ADGRV1: variants seen among roughly 807,000 people sequenced by gnomAD.
The protein encoded by ADGRV1 is adhesion G protein-coupled receptor V1.
ADGRV1 carries 359 observed loss-of-function variants against 596.2 expected under a neutral mutation model. That is an observed-to-expected ratio of 0.60 (90% CI 0.55 to 0.66). The LOEUF (loss-of-function observed/expected upper bound fraction) is 0.66. Ranked by LOEUF, ADGRV1 falls within the 30% of genes least tolerant of loss-of-function variation. ADGRV1 has a pLI of 0.00. For synonymous variants in ADGRV1, 2,681 were observed against 2,679.2 expected (o/e 1.00, Z -0.02); for missense variants, 7,274 against 7,575.6 (o/e 0.96, Z 1.48).
intron 75 of ADGRV1, chr5:90,821,985 C>T (rs1181544792): frequency 1.3e-5 from 2 of 159,758 alleles, no homozygotes; most frequent in African/African-American, 4.8e-5. Context: ...ATAAGCAAGC[C>T]TGGGCAATGG....
chr5:90,691,757 T>A (rs968277073), intron 31 of ADGRV1, among the ~76,000 whole-genome samples: 1 of 152,164 alleles, frequency 6.6e-6, no homozygotes. Context: ...ATCTTAAGTA[T>A]TATTGTGGTT....
Position 90,622,627 on chromosome 5 carries a change from G to A in ADGRV1, c.484G>A (p.Gly162Ser). 3 of 1,502,744 alleles carry A rather than the reference G, an allele frequency of 2.0e-6. No individual in the cohort carries two copies. Among genetic ancestry groups the A allele is most frequent in the Non-Finnish European group, 2.7e-6 (3 of 1,124,228 alleles). 93.1% of individuals were successfully genotyped at this position (1,502,744 alleles called of 1,614,324 possible). Residue 162 changes from glycine to serine, a missense_variant, in exon 5 of 90, where the codon GGC (glycine) becomes AGC (serine). By Grantham distance (56) the Gly-to-Ser change is moderately conservative (BLOSUM62 0). Around this residue, in one of 5 missense-constraint regions of ADGRV1, gnomAD observed 1,715 missense variants for 1,708.8 expected, o/e 1.00. Coordinates refer to ENST00000405460, the MANE Select transcript of ADGRV1 (RefSeq NM_032119.4). ...LPSIAVSEPK[G>S]RNESMPLTLI... ...CTCAATCGCAGTGAGTGAGCCCAAG[G>A]GCAGAAATGAGTCTATGCCTCTTAC...
chr5:91,005,149 A>T (rs552882050), intron 85 of ADGRV1, among the ~76,000 whole-genome samples: 1 of 152,192 alleles, frequency 6.6e-6, no homozygotes, highest in Non-Finnish European at 1.5e-5. Flanking sequence ...GTTTCAGAGT[A>T]AATGCTCAAA....
intron 86 of ADGRV1, among the ~76,000 whole-genome samples, chr5:91,074,783 TCCTAC>T (rs1472204306): frequency 6.6e-6 from 1 of 152,194 alleles, no homozygotes; most frequent in Non-Finnish European, 1.5e-5. Context: ...TAATTTACAT[TCCTAC>T]CAGTAGTGTA....
intron 84 of ADGRV1, among the ~76,000 whole-genome samples, chr5:90,976,860 T>G (rs948287270): frequency 2.0e-5 from 3 of 152,214 alleles, no homozygotes; most frequent in African/African-American, 7.2e-5. Context: ...ACAGCTTAAT[T>G]TGAAATATAA....
intron 1 of ADGRV1, among the ~76,000 whole-genome samples, chr5:90,575,805 G>A (rs1757127191): frequency 6.6e-6 from 1 of 152,040 alleles, no homozygotes; most frequent in South Asian, 2.1e-4. Context: ...GAATTCTCAG[G>A]CATGATCCAA....
At chr5:90,613,406 C>A (rs2152047117) in intron 1 of ADGRV1, among the ~76,000 whole-genome samples, 1 of 152,190 alleles carries the variant, frequency 6.6e-6, no homozygotes, top group Admixed American at 6.6e-5. Flanking sequence ...AGAACTGCTC[C>A]CCCTTTCCTG....
chr5:90,658,548 C>A (rs532389590), intron 21 of ADGRV1, among the ~76,000 whole-genome samples: 1 of 152,106 alleles, frequency 6.6e-6, no homozygotes, highest in Non-Finnish European at 1.5e-5. Flanking sequence ...CTTCAAAGAA[C>A]GTATGTGTAT....
Position 90,890,586 on chromosome 5 carries a change from C to T in ADGRV1, c.17856+26729C>T, listed in dbSNP as rs567331530. On this transcript the variant is annotated intron_variant, in intron 83 of 89. Coordinates refer to ENST00000405460, the MANE Select transcript of ADGRV1 (RefSeq NM_032119.4). ...AGTAAAAACACATGAAAGACTTAAA[C>T]AGTACCTGTCACATAAGAAACACTA... is the stretch of plus-strand genomic sequence containing the variant. Among the ~76,000 whole-genome samples, 6 of 152,250 alleles carry T rather than the reference C, an allele frequency of 3.9e-5. No homozygotes were observed. In the South Asian group the frequency reaches 1.2e-3, roughly 32 times the overall value.
At chr5:90,673,626 G>T (rs1225310187) in intron 22 of ADGRV1, among the ~76,000 whole-genome samples, 1 of 152,008 alleles carries the variant, frequency 6.6e-6, no homozygotes, top group Non-Finnish European at 1.5e-5. Flanking sequence ...TCAAAGATAT[G>T]GTGCCTTCTC....
At chr5:90,878,400 A>G (rs1370682463) in intron 83 of ADGRV1, among the ~76,000 whole-genome samples, 1 of 152,180 alleles carries the variant, frequency 6.6e-6, no homozygotes, top group Non-Finnish European at 1.5e-5. Context: ...TGAGAGAGGA[A>G]GCAACTTGAA....
At chr5:90,813,190 T>C (rs1762604390) in intron 74 of ADGRV1, among the ~76,000 whole-genome samples, 1 of 16,534 alleles carries the variant, frequency 6.0e-5, no homozygotes, top group African/African-American at 8.9e-5. Context: ...GCATCCTCCT[T>C]CTCATTCTAA....
intron 1 of ADGRV1, among the ~76,000 whole-genome samples, chr5:90,576,798 A>C (rs1757284839): frequency 6.6e-6 from 1 of 152,140 alleles, no homozygotes; most frequent in South Asian, 2.1e-4. Context: ...CTTATTAATG[A>C]TTGCCATTCT....
At chr5:91,150,008 T>A (rs1387557326) in intron 87 of ADGRV1, 22 bp from the exon 88 acceptor site, 1 of 1,405,106 alleles carries the variant, frequency 7.1e-7, no homozygotes, top group Non-Finnish European at 9.3e-7. Flanking sequence ...TCTTTTCTTT[T>A]CTTTTTTTTT....
chr5:91,093,023 C>G (rs61392689), intron 86 of ADGRV1, among the ~76,000 whole-genome samples: 7,058 of 152,280 alleles, frequency 0.046, 220 homozygotes, highest in East Asian at 0.15. Context: ...CTCTTTACTT[C>G]CAGCGCTTAG....
chr5:91,009,777 C>A (rs1278294272), intron 85 of ADGRV1, among the ~76,000 whole-genome samples: 1 of 152,000 alleles, frequency 6.6e-6, no homozygotes, highest in Non-Finnish European at 1.5e-5. Context: ...ATTCACCACA[C>A]TAAATTGACT....
chr5:90,964,270 A>C (rs1411413648), intron 83 of ADGRV1, among the ~76,000 whole-genome samples: 1 of 152,160 alleles, frequency 6.6e-6, no homozygotes, highest in Non-Finnish European at 1.5e-5. Flanking sequence ...TCTTTTTAAA[A>C]GTTAAGAGGT....
At chr5:91,113,913 CATCTCA>C (rs1792610835) in intron 87 of ADGRV1, among the ~76,000 whole-genome samples, 1 of 148,308 alleles carries the variant, frequency 6.7e-6, no homozygotes, top group Admixed American at 6.7e-5. Context: ...AGCGAGACTG[CATCTCA>C]AAAAAAGAGA....
At chr5:90,813,046 T>G (rs896620216) in intron 74 of ADGRV1, among the ~76,000 whole-genome samples, 33 of 139,854 alleles carry the variant, frequency 2.4e-4, no homozygotes, top group African/African-American at 7.2e-4. Flanking sequence ...GGCAGGAGAA[T>G]GGCGTGAACC....
Sources: allele counts gnomAD v4.1 joint callset (sites outside exome capture counted in the v4.1 genomes callset), GRCh38; gene constraint gnomAD v4.1.1; regional missense constraint gnomAD v4.1.1; transcripts MANE v1.5; gene names NCBI Gene and HGNC (gene_info 2026-07-23, HGNC 2026-07-21).